The following CEP295 variants were observed in gnomAD, a reference collection of about 807,000 sequenced individuals.
The protein encoded by CEP295 is centrosomal protein of 295 kDa.
Under a neutral mutation model 291.6 loss-of-function variants are expected in CEP295, and 190 were observed. The ratio of observed to expected loss-of-function variants is 0.65; its 90% CI spans 0.58 to 0.73. The LOEUF (loss-of-function observed/expected upper bound fraction) is 0.73, where lower values mean the gene tolerates loss of function less well. Among genes scored for constraint, CEP295 ranks in the 30% least tolerant of loss-of-function variants. The pLI is 0.00. For missense variants in CEP295, 2,863 were observed against 2,949.4 expected (o/e 0.97, Z 0.68); for synonymous variants, 993 against 1,038.8 (o/e 0.96, Z 0.85).
At chr11:93,681,942 GA>G (rs1950996223) in intron 7 of CEP295, among the ~76,000 whole-genome samples, 1 of 151,878 alleles carries the variant, frequency 6.6e-6, no homozygotes, top group African/African-American at 2.4e-5. Flanking sequence ...AAAGCCCTTG[GA>G]AATGTGCCTG....
chr11:93,729,978 A>AG lies in CEP295; in HGVS notation c.7667+9_7667+10insG. The AG allele has an allele frequency of 6.9e-7, 1 of 1,443,780 alleles. No individual in the cohort carries two copies. The highest frequency in any genetic ancestry group is 2.5e-5 in the East Asian group (1 of 39,418). The allele number at this position is 1,443,780 out of a possible 1,614,324, so 89.4% of individuals were successfully genotyped here. Reference sequence around the variant, plus strand: ...CACCAAAGGGGTCTAAGGTAGGGTTAATTTTTTTTTTTTTTTTAGTGATTC... The same window carrying AG: ...CACCAAAGGGGTCTAAGGTAGGGTTAGATTTTTTTTTTTTTTTTAGTGATTC... On this transcript the variant is annotated intron_variant, in intron 28 of 29. Coordinates refer to ENST00000325212, the MANE Select transcript of CEP295 (RefSeq NM_033395.2).
chr11:93,727,857 T>C, intron 24 of CEP295: 1 of 449,260 alleles, frequency 2.2e-6, no homozygotes, highest in South Asian at 4.0e-5. Flanking sequence ...AACTGCTTGT[T>C]AATATTGCTA....
intron 18 of CEP295, among the ~76,000 whole-genome samples, chr11:93,718,116 G>A (rs192152167): frequency 1.3e-3 from 197 of 152,264 alleles, no homozygotes; most frequent in African/African-American, 4.4e-3. Context: ...TCACTGTGTT[G>A]TCCAGACTGG....
chr11:93,683,193 G>T (rs895197643), intron 7 of CEP295, among the ~76,000 whole-genome samples: 1 of 152,204 alleles, frequency 6.6e-6, no homozygotes, highest in Admixed American at 6.5e-5. Context: ...AGGAGCCATG[G>T]CAACTTATAT....
At chr11:93,725,123 G>C (rs1954046466) in intron 22 of CEP295, among the ~76,000 whole-genome samples, 1 of 151,910 alleles carries the variant, frequency 6.6e-6, no homozygotes. Flanking sequence ...GGGTGTGATG[G>C]CATGCCTGTA....
In CEP295 at chr11:93,697,446, G is replaced by A; in HGVS notation, c.2534G>A (p.Gly845Asp). The A allele has an allele frequency of 6.4e-7, 1 of 1,552,176 alleles. No individual in the cohort carries two copies. The part of the protein sequence containing the change: ...LPSENITAQQ[G>D]NMKALQEQLD... ...TCAGAGAATATCACAGCCCAGCAAG[G>A]TAATATGAAGGCCCTCCAAGAACAG... The change falls in exon 15 of 30, where the codon GGT (glycine) becomes GAT (aspartate). Residue 845 changes from glycine (G) to aspartate (D), a missense_variant. Around this residue, in one of 3 missense-constraint regions of CEP295, gnomAD observed 2,295 missense variants for 2,335.7 expected, o/e 0.98. Transcript: ENST00000325212.
chr11:93,718,032 C>T (rs1421399460), intron 18 of CEP295, among the ~76,000 whole-genome samples: 1 of 152,184 alleles, frequency 6.6e-6, no homozygotes, highest in Non-Finnish European at 1.5e-5. Context: ...CCACCTCAGC[C>T]TCCCGAGTAG....
At chr11:93,693,383 G>T (rs1156787699) in intron 12 of CEP295, among the ~76,000 whole-genome samples, 8 of 152,092 alleles carry the variant, frequency 5.3e-5, no homozygotes, top group Non-Finnish European at 1.2e-4. Context: ...TACTAAGCAG[G>T]CCAGTTTATA....
At chr11:93,678,293 C>A (rs1211886466) in intron 6 of CEP295, among the ~76,000 whole-genome samples, 1 of 152,100 alleles carries the variant, frequency 6.6e-6, no homozygotes, top group Non-Finnish European at 1.5e-5. Context: ...CTAAATACTC[C>A]TACAGATTAT....
intron 12 of CEP295, 24 bp from the exon 13 acceptor site, chr11:93,695,469 AATAG>A: frequency 7.3e-7 from 1 of 1,372,086 alleles, no homozygotes; most frequent in Non-Finnish European, 9.5e-7. Flanking sequence ...GTTTGTTGTT[AATAG>A]ATCAATAGTA....
At chr11:93,694,728 G>A (rs913774068) in intron 12 of CEP295, among the ~76,000 whole-genome samples, 4 of 152,218 alleles carry the variant, frequency 2.6e-5, no homozygotes, top group African/African-American at 9.6e-5. Flanking sequence ...GTAGGACAGT[G>A]CAAGATTTCA....
At chr11:93,664,529 A>G (rs775166733) in intron 1 of CEP295, among the ~76,000 whole-genome samples, 2 of 152,244 alleles carry the variant, frequency 1.3e-5, no homozygotes, top group Non-Finnish European at 2.9e-5. Flanking sequence ...GCCAGCAGTT[A>G]GTCCTTTTTG....
rs991939659 is a variant in CEP295, at chr11:93,726,109, G to T, written c.6499+278G>T. On this transcript the variant is annotated intron_variant, in intron 23 of 29. Transcript: ENST00000325212. ...CAGTTTAAGTATTATTTTTTTGTTT[G>T]TTTTTTTTGTTTTTGTTTTTGTTTT... Among the ~76,000 whole-genome samples, 6 of 151,606 alleles carry T rather than the reference G, an allele frequency of 4.0e-5. No individual in the cohort carries two copies. The South Asian group carries it at 1.3e-3, about 32-fold the overall frequency.
intron 9 of CEP295, 128 bp from the exon 10 acceptor site, chr11:93,687,516 T>G (rs770864948): frequency 3.6e-5 from 21 of 585,688 alleles, no homozygotes; most frequent in Non-Finnish European, 5.4e-5. Flanking sequence ...TGTTAAATCG[T>G]AAATATGAGG....
At chr11:93,707,038 C>G (rs1952553991) in intron 18 of CEP295, 141 bp downstream of exon 18, 4 of 701,020 alleles carry the variant, frequency 5.7e-6, no homozygotes. Flanking sequence ...ATGCAGTTAA[C>G]TATATTGTTC....
chr11:93,701,531 G>A lies in CEP295; in HGVS notation c.5275-929G>A, dbSNP rs539485593. On this transcript the variant is annotated intron_variant, in intron 15 of 29. Transcript: ENST00000325212. The stretch of plus-strand genomic sequence containing the variant: ...AAAGTAATGGCAAAAGAAAAGCAGA[G>A]GGAAATACTCAAATATAATCTCTTA... Among the ~76,000 whole-genome samples the A allele has an allele frequency of 2.5e-3, 384 of 152,256 alleles. 2 individuals carry two copies. The highest frequency in any genetic ancestry group is 6.8e-3 in the Middle Eastern group (2 of 294).
At chr11:93,674,847 GC>G (rs1950615743) in intron 5 of CEP295, among the ~76,000 whole-genome samples, 1 of 152,160 alleles carries the variant, frequency 6.6e-6, no homozygotes, top group Non-Finnish European at 1.5e-5. Context: ...GCTCCTTGAA[GC>G]CAGGGGCCAT....
chr11:93,667,745 G>C lies in CEP295; in HGVS notation c.247G>C (p.Glu83Gln). Residue 83 changes from glutamate (E) to glutamine (Q), a missense_variant, in exon 3 of 30, where the codon GAA (glutamate) becomes CAA (glutamine). By Grantham distance (29) the Glu-to-Gln change is conservative. Transcript: ENST00000325212. Reference sequence around the variant, plus strand: ...ACAAACTCAGAAAATACAGAACTTGGAAAAACTGTATTTGGCAAGTTTAAG... The same window carrying C: ...ACAAACTCAGAAAATACAGAACTTGCAAAAACTGTATTTGGCAAGTTTAAG... Reference protein sequence around the residue: ...ESQTQKIQNLEKLYLASLRSM... With the variant: ...ESQTQKIQNLQKLYLASLRSM... 6.4e-7 allele frequency: 1 copy of C among 1,551,426 alleles called. No individual in the cohort carries two copies.
intron 18 of CEP295, among the ~76,000 whole-genome samples, chr11:93,720,604 G>GT (rs1276721207): frequency 1.3e-5 from 2 of 152,062 alleles, no homozygotes; most frequent in African/African-American, 4.8e-5. Flanking sequence ...TTTTGGTGTG[G>GT]TTTTTTGAGA....
Sources: allele counts gnomAD v4.1 joint callset (sites outside exome capture counted in the v4.1 genomes callset), GRCh38; gene constraint gnomAD v4.1.1; regional missense constraint gnomAD v4.1.1; transcripts MANE v1.5; gene names NCBI Gene and HGNC (gene_info 2026-07-23, HGNC 2026-07-21).